TRIM5: variants seen among roughly 807,000 people sequenced by gnomAD.
TRIM5 encodes the protein tripartite motif containing 5.
TRIM5 carries 31 observed loss-of-function variants against 35.6 expected under a neutral mutation model. The ratio of observed to expected loss-of-function variants is 0.87; its 90% CI spans 0.65 to 1.18. The LOEUF is 1.18. TRIM5 is among the 50% of genes most tolerant of loss of function. The pLI is 0.00. For missense variants in TRIM5, 609 were observed against 591.6 expected (o/e 1.03, Z -0.31); for synonymous variants, 243 against 215.6 (o/e 1.13, Z -1.11).
the TRIM5 span, among the ~76,000 whole-genome samples, chr11:5,635,573 A>G: frequency 6.6e-6 from 1 of 152,088 alleles, no homozygotes; most frequent in African/African-American, 2.4e-5. Flanking sequence ...ACTTTTTTTT[A>G]AACATAAAGT....
rs767654079 is a variant in TRIM5 at position 5,664,882 on chromosome 11, GA to G, written c.1408del (p.Ser470LeufsTer8). On this transcript the variant is annotated frameshift_variant, in exon 8 of 8. Transcript: ENST00000380034. LOFTEE classifies it low-confidence loss of function (END_TRUNC). ...LIYKFSHCSFSQPVFPYLNPR... is the reference protein window; with the variant it reads ...LIYKFSHCSFXQPVFPYLNPR... ...ATTTAAATATGGAAATACAGGCTGA[GA>G]AAAAGAACAGTGAGAAAACTTATAG... The G allele has an allele frequency of 2.5e-6, 4 of 1,613,968 alleles. No homozygotes were observed. The East Asian group carries it at 8.9e-5, about 36-fold the overall frequency.
the TRIM5 span, among the ~76,000 whole-genome samples, chr11:5,595,720 CTT>C: frequency 1.1e-4 from 16 of 141,144 alleles, no homozygotes; most frequent in Admixed American, 1.4e-4. Context: ...TTCAAAAATT[CTT>C]TTTTTTTTTT....
At chr11:5,605,272 C>A in the TRIM5 span, 2 of 1,608,468 alleles carry the variant, frequency 1.2e-6, no homozygotes, top group African/African-American at 2.7e-5. Flanking sequence ...AACTTCCCCG[C>A]TTTTAATAGA....
chr11:5,661,007 A>T (rs1253542741), downstream of TRIM5, among the ~76,000 whole-genome samples: 1 of 124,998 alleles, frequency 8.0e-6, no homozygotes. Context: ...GCGCCACTGC[A>T]CTCCAGCCTG....
At chr11:5,619,733 C>G in the TRIM5 span, 17 of 116,798 alleles carry the variant, frequency 1.5e-4, no homozygotes, top group African/African-American at 5.1e-4. Flanking sequence ...GAGACTGAGC[C>G]TCACTCTGTT....
At chr11:5,611,089 G>A in the TRIM5 span, 6 of 1,613,986 alleles carry the variant, frequency 3.7e-6, no homozygotes, top group Admixed American at 8.3e-5. Flanking sequence ...TGGGTGATTG[G>A]GTTACAGCAT....
the TRIM5 span, among the ~76,000 whole-genome samples, chr11:5,620,533 T>C: frequency 1.3e-5 from 2 of 152,196 alleles, no homozygotes; most frequent in Admixed American, 6.5e-5. Context: ...GTTGCAGTAA[T>C]GAGTCTCAAG....
chr11:5,631,196 A>G, the TRIM5 span, among the ~76,000 whole-genome samples: 1 of 152,146 alleles, frequency 6.6e-6, no homozygotes, highest in Non-Finnish European at 1.5e-5. Flanking sequence ...CTTCAGGCCA[A>G]GAAGAAATCC....
At chr11:5,659,175 T>C (rs1293135784), downstream of TRIM5, among the ~76,000 whole-genome samples, 1 of 151,900 alleles carries the variant, frequency 6.6e-6, no homozygotes, top group South Asian at 2.1e-4. Context: ...GTGTAACACA[T>C]GTCCGCGGGG....
the TRIM5 span, chr11:5,611,449 T>G: frequency 3.9e-4 from 422 of 1,080,962 alleles, no homozygotes; most frequent in African/African-American, 5.9e-3. Flanking sequence ...CTTTTGTTGT[T>G]TTTTGGTTTT....
chr11:5,643,240 G>A, the TRIM5 span: 2 of 1,613,720 alleles, frequency 1.2e-6, no homozygotes, highest in Non-Finnish European at 1.7e-6. Flanking sequence ...CCTTTTCAGT[G>A]TTATAATTAT....
intron 1 of TRIM5, among the ~76,000 whole-genome samples, chr11:5,682,807 G>A (rs950013805): frequency 3.3e-5 from 5 of 152,218 alleles, no homozygotes; most frequent in Non-Finnish European, 7.3e-5. Context: ...GCCCTCACTC[G>A]CTCTTGGCGC....
chr11:5,629,055 T>C, the TRIM5 span, among the ~76,000 whole-genome samples: 4 of 152,088 alleles, frequency 2.6e-5, no homozygotes, highest in Admixed American at 2.0e-4. Context: ...GACAGGTGGA[T>C]CACCTGAGGT....
intron 4 of TRIM5, among the ~76,000 whole-genome samples, chr11:5,674,646 G>T (rs565926760): frequency 3.3e-5 from 5 of 152,214 alleles, no homozygotes; most frequent in Non-Finnish European, 1.5e-5. Flanking sequence ...CTAGATCTGT[G>T]CAGTGGACTC....
chr11:5,616,737 CTTTT>C, the TRIM5 span, among the ~76,000 whole-genome samples: 1 of 126,538 alleles, frequency 7.9e-6, no homozygotes, highest in Non-Finnish European at 1.7e-5. Context: ...CGAGAATAAC[CTTTT>C]TTTTTTTTTT....
the TRIM5 span, among the ~76,000 whole-genome samples, chr11:5,644,799 A>G: frequency 3.0e-3 from 463 of 152,256 alleles, 1 homozygote; most frequent in African/African-American, 0.011. Flanking sequence ...TCCTGCCCAA[A>G]TCTCATGTTG....
At chr11:5,679,278 A>T (rs1353460901) in intron 2 of TRIM5, 109 bp from the exon 3 acceptor site, 5 of 914,850 alleles carry the variant, frequency 5.5e-6, no homozygotes. Context: ...AAATTTGCAG[A>T]AACTGTGAGA....
intron 4 of TRIM5, among the ~76,000 whole-genome samples, chr11:5,670,351 T>TC (rs1218041099): frequency 6.6e-6 from 1 of 150,804 alleles, no homozygotes; most frequent in East Asian, 1.9e-4. Flanking sequence ...CTAATTTTTT[T>TC]TTCTTTTGTA....
chr11:5,619,796 GGGT>G, the TRIM5 span: 1 of 137,294 alleles, frequency 7.3e-6, no homozygotes, highest in South Asian at 2.3e-4. Flanking sequence ...TCTGTCTCCT[GGGT>G]TCAAGCGATC....
Sources: gnomAD v4.1 joint callset for allele counts (sites outside exome capture counted in the v4.1 genomes callset) on GRCh38, gnomAD v4.1.1 for gene constraint, MANE v1.5 for transcripts, NCBI Gene and HGNC (gene_info 2026-07-23, HGNC 2026-07-21) for gene names.